WDR7: variants seen among roughly 807,000 people sequenced by gnomAD.
The protein encoded by WDR7 is WD repeat-containing protein 7.
WDR7 carries 46 observed loss-of-function variants against 169.4 expected under a neutral mutation model. The ratio of observed to expected loss-of-function variants is 0.27; its 90% CI spans 0.21 to 0.35. The LOEUF (loss-of-function observed/expected upper bound fraction) is 0.35, where lower values mean the gene tolerates loss of function less well. Ranked by LOEUF, WDR7 falls within the 10% of genes least tolerant of loss-of-function variation. WDR7 has a pLI of 1.00. For synonymous variants in WDR7, 612 were observed against 666.8 expected (o/e 0.92, Z 1.27); for missense variants, 1,534 against 1,859.3 (o/e 0.83, Z 3.22).
chr18:56,826,244 A>G (rs1047399231), intron 20 of WDR7, among the ~76,000 whole-genome samples: 12 of 152,200 alleles, frequency 7.9e-5, no homozygotes, highest in Non-Finnish European at 1.6e-4. Flanking sequence ...TTGATATCAA[A>G]CTCATATGAC....
chr18:56,963,188 C>A (rs1169183737), intron 26 of WDR7, among the ~76,000 whole-genome samples: 5 of 152,068 alleles, frequency 3.3e-5, no homozygotes, highest in African/African-American at 9.7e-5. Flanking sequence ...GAAACATAGC[C>A]TTAAATCACT....
intron 2 of WDR7, among the ~76,000 whole-genome samples, chr18:56,676,873 C>G (rs1295627307): frequency 6.6e-6 from 1 of 152,034 alleles, no homozygotes; most frequent in Non-Finnish European, 1.5e-5. Flanking sequence ...CTGTGTCAGG[C>G]TAAGTGCTGG....
chr18:56,659,174 C>T (rs2024847907), intron 1 of WDR7, among the ~76,000 whole-genome samples: 1 of 97,646 alleles, frequency 1.0e-5, no homozygotes, highest in Non-Finnish European at 2.2e-5. Context: ...TAGGTAAAAC[C>T]TGTAGCTGGG....
At chr18:56,823,235 C>G (rs540500484) in intron 20 of WDR7, among the ~76,000 whole-genome samples, 1 of 152,120 alleles carries the variant, frequency 6.6e-6, no homozygotes, top group Non-Finnish European at 1.5e-5. Context: ...ATATCAGATT[C>G]GTATGTCCTC....
intron 20 of WDR7, among the ~76,000 whole-genome samples, chr18:56,819,600 C>A (rs946420803): frequency 1.3e-5 from 2 of 152,086 alleles, no homozygotes; most frequent in African/African-American, 2.4e-5. Context: ...AATATTAAAA[C>A]CTATTTCATA....
chr18:57,014,206 A>G (rs2048175842), intron 26 of WDR7, among the ~76,000 whole-genome samples: 1 of 151,796 alleles, frequency 6.6e-6, no homozygotes, highest in South Asian at 2.1e-4. Context: ...TGCACCTGTA[A>G]TCCCAGCTAC....
At chr18:56,777,393 T>C (rs970563395) in intron 17 of WDR7, among the ~76,000 whole-genome samples, 1 of 152,198 alleles carries the variant, frequency 6.6e-6, no homozygotes, top group African/African-American at 2.4e-5. Flanking sequence ...CTTTACTATT[T>C]CTGTTTTAAG....
intron 16 of WDR7, 91 bp from the exon 17 acceptor site, chr18:56,776,691 G>A: frequency 1.8e-6 from 2 of 1,101,154 alleles, no homozygotes; most frequent in South Asian, 1.3e-5. Context: ...TGCCTACTTT[G>A]TTTTTCATTC....
chr18:56,821,189 T>C (rs1477505740), intron 20 of WDR7, among the ~76,000 whole-genome samples: 8 of 151,856 alleles, frequency 5.3e-5, no homozygotes, highest in Non-Finnish European at 1.0e-4. Flanking sequence ...GAAGAAGAAG[T>C]AAATAAATAT....
At chr18:57,001,912 A>G (rs1322359501) in intron 26 of WDR7, among the ~76,000 whole-genome samples, 2 of 152,186 alleles carry the variant, frequency 1.3e-5, no homozygotes, top group South Asian at 2.1e-4. Flanking sequence ...AATACCAAAT[A>G]TGAACCCTAA....
intron 20 of WDR7, among the ~76,000 whole-genome samples, chr18:56,878,865 A>G (rs542284550): frequency 5.9e-5 from 9 of 152,232 alleles, no homozygotes; most frequent in African/African-American, 2.2e-4. Flanking sequence ...TTTCAGCGTC[A>G]TTTTTGTGGC....
chr18:56,934,665 G>C (rs1347158027), intron 22 of WDR7, among the ~76,000 whole-genome samples: 1 of 151,970 alleles, frequency 6.6e-6, no homozygotes, highest in Non-Finnish European at 1.5e-5. Flanking sequence ...TGAAGAGAAT[G>C]CCTACATAAT....
intron 26 of WDR7, among the ~76,000 whole-genome samples, chr18:56,984,944 T>C (rs1451186992): frequency 2.6e-5 from 4 of 152,086 alleles, no homozygotes; most frequent in African/African-American, 9.7e-5. Flanking sequence ...GGCCTTGTTG[T>C]TGATTATCTA....
chr18:56,657,603 T>A (rs2024805322), intron 1 of WDR7, among the ~76,000 whole-genome samples: 1 of 152,262 alleles, frequency 6.6e-6, no homozygotes, highest in Non-Finnish European at 1.5e-5. Context: ...AGTGAAATTC[T>A]GCCATCAATA....
intron 14 of WDR7, chr18:56,753,328 AT>A (rs1239968114): frequency 1.3e-5 from 2 of 152,176 alleles, no homozygotes; most frequent in Non-Finnish European, 2.9e-5. Context: ...GGACCAGCCA[AT>A]TTTATATAAT....
intron 20 of WDR7, among the ~76,000 whole-genome samples, chr18:56,841,948 T>C (rs2045493402): frequency 6.6e-6 from 1 of 152,230 alleles, no homozygotes; most frequent in Non-Finnish European, 1.5e-5. Context: ...TAATCAGATA[T>C]GCTTCTACAA....
At chr18:56,686,790 CATT>C in intron 6 of WDR7, 62 bp from the exon 7 acceptor site, 1 of 1,342,908 alleles carries the variant, frequency 7.4e-7, no homozygotes, top group South Asian at 1.2e-5. Context: ...TTGCCTTTAT[CATT>C]GTGTGATAAT....
intron 26 of WDR7, among the ~76,000 whole-genome samples, chr18:56,998,291 A>G (rs1358330826): frequency 6.6e-6 from 1 of 152,150 alleles, no homozygotes; most frequent in Non-Finnish European, 1.5e-5. Context: ...CAGGATTTTC[A>G]CTGGGCATCA....
At chr18:56,713,020 C>A (rs1227845112) in intron 12 of WDR7, among the ~76,000 whole-genome samples, 1 of 152,042 alleles carries the variant, frequency 6.6e-6, no homozygotes, top group African/African-American at 2.4e-5. Flanking sequence ...CTGTTTGTTT[C>A]CACTTAAAAT....
Sources: gnomAD v4.1 joint callset for allele counts (sites outside exome capture counted in the v4.1 genomes callset) on GRCh38, gnomAD v4.1.1 for gene constraint, MANE v1.5 for transcripts, NCBI Gene and HGNC (gene_info 2026-07-23, HGNC 2026-07-21) for gene names.